Variants in BLTP3A observed in about 807,000 individuals in gnomAD.
The protein encoded by BLTP3A is ICBP90 binding protein 1.
the BLTP3A span, among the ~76,000 whole-genome samples, chr6:34,864,991 A>G: frequency 6.6e-6 from 1 of 152,092 alleles, no homozygotes; most frequent in Non-Finnish European, 1.5e-5. Flanking sequence ...TGTCCTATTT[A>G]TTTATTTATT....
the BLTP3A span, among the ~76,000 whole-genome samples, chr6:34,852,753 A>T: frequency 4.3e-5 from 6 of 139,824 alleles, no homozygotes; most frequent in East Asian, 1.2e-3. Context: ...AGGAATTAAC[A>T]ATCCTTGTGG....
At chr6:34,810,756 A>G in the BLTP3A span, among the ~76,000 whole-genome samples, 1 of 152,144 alleles carries the variant, frequency 6.6e-6, no homozygotes. Flanking sequence ...GGTGTGAGCC[A>G]TTGTGCCTGG....
chr6:34,868,864 C>T, the BLTP3A span, among the ~76,000 whole-genome samples: 1 of 151,754 alleles, frequency 6.6e-6, no homozygotes. Flanking sequence ...GCACTCCAGC[C>T]TGGGCAATAG....
the BLTP3A span, chr6:34,821,648 T>C: frequency 8.1e-6 from 13 of 1,605,534 alleles, no homozygotes; most frequent in South Asian, 2.2e-5. Flanking sequence ...CATTACTCTT[T>C]TCAGGTTCAC....
chr6:34,801,705 ATTTATTTATTT>A, the BLTP3A span, among the ~76,000 whole-genome samples: 1 of 50,260 alleles, frequency 2.0e-5, no homozygotes, highest in African/African-American at 2.7e-4. Context: ...GCTTTATTTT[ATTTATTTATTT>A]ATTTATTTAT....
the BLTP3A span, among the ~76,000 whole-genome samples, chr6:34,837,369 C>T: frequency 1.1e-4 from 16 of 152,078 alleles, no homozygotes; most frequent in Admixed American, 5.9e-4. Flanking sequence ...TGGCGAAACC[C>T]GTCTCTACAA....
At chr6:34,843,738 C>T in the BLTP3A span, among the ~76,000 whole-genome samples, 1 of 152,316 alleles carries the variant, frequency 6.6e-6, no homozygotes, top group African/African-American at 2.4e-5. Flanking sequence ...ATACTGATTT[C>T]ATTTCCTTTG....
the BLTP3A span, among the ~76,000 whole-genome samples, chr6:34,796,612 A>G: frequency 6.6e-6 from 1 of 152,210 alleles, no homozygotes; most frequent in South Asian, 2.1e-4. Flanking sequence ...TAAGCTAATG[A>G]CCTTTCGTTA....
the BLTP3A span, chr6:34,864,063 C>G: frequency 6.2e-7 from 1 of 1,613,686 alleles, no homozygotes; most frequent in Non-Finnish European, 8.5e-7. Flanking sequence ...TGCTGCACGA[C>G]TCCGATTTTT....
At chr6:34,856,509 C>A in the BLTP3A span, 1 of 1,449,552 alleles carries the variant, frequency 6.9e-7, no homozygotes. Context: ...ATTATCCCAG[C>A]TGTATGTAAT....
chr6:34,801,418 A>G, the BLTP3A span, among the ~76,000 whole-genome samples: 6 of 152,162 alleles, frequency 3.9e-5, no homozygotes, highest in East Asian at 9.7e-4. Context: ...AGAGGGGGGA[A>G]AAGTATTTTT....
At chr6:34,838,382 G>A in the BLTP3A span, among the ~76,000 whole-genome samples, 4 of 152,178 alleles carry the variant, frequency 2.6e-5, no homozygotes, top group African/African-American at 9.7e-5. Context: ...AGATTACTTG[G>A]TGACACACAG....
At chr6:34,822,253 ATTTT>A in the BLTP3A span, among the ~76,000 whole-genome samples, 1 of 139,606 alleles carries the variant, frequency 7.2e-6, no homozygotes. Context: ...TTCCCTTGAA[ATTTT>A]TTTTTTTTTT....
the BLTP3A span, among the ~76,000 whole-genome samples, chr6:34,849,213 G>C: frequency 6.6e-6 from 1 of 151,936 alleles, no homozygotes; most frequent in Non-Finnish European, 1.5e-5. Flanking sequence ...TGGCCAGGCT[G>C]GTCTCAAACT....
the BLTP3A span, among the ~76,000 whole-genome samples, chr6:34,839,653 A>C: frequency 1.3e-5 from 2 of 152,184 alleles, no homozygotes; most frequent in African/African-American, 4.8e-5. Flanking sequence ...GGGGTGGGGC[A>C]CTGCCAGGGG....
the BLTP3A span, among the ~76,000 whole-genome samples, chr6:34,865,159 C>T: frequency 2.0e-5 from 3 of 152,184 alleles, no homozygotes; most frequent in Non-Finnish European, 4.4e-5. Context: ...TTAACTGAAA[C>T]ATTACACGTT....
chr6:34,863,876 T>C, the BLTP3A span: 1 of 875,890 alleles, frequency 1.1e-6, no homozygotes, highest in African/African-American at 1.7e-5. Context: ...ATGTCAAAGT[T>C]GTATGTTCCT....
the BLTP3A span, among the ~76,000 whole-genome samples, chr6:34,846,256 T>G: frequency 6.6e-6 from 1 of 151,608 alleles, no homozygotes; most frequent in African/African-American, 2.4e-5. Flanking sequence ...GCGATTCTCC[T>G]GCCTCAGCCT....
the BLTP3A span, among the ~76,000 whole-genome samples, chr6:34,834,001 C>T: frequency 0.13 from 19,891 of 150,606 alleles, 1,500 homozygotes; most frequent in African/African-American, 0.2. Context: ...ATTTCAGAGG[C>T]TGAGACGAGA....
Sources: gnomAD v4.1 joint callset for allele counts (sites outside exome capture counted in the v4.1 genomes callset) on GRCh38, gnomAD v4.1.1 for gene constraint, MANE v1.5 for transcripts, NCBI Gene and HGNC (gene_info 2026-07-23, HGNC 2026-07-21) for gene names.